The following AOPEP variants were observed in gnomAD, a reference collection of about 807,000 sequenced individuals.
The protein encoded by AOPEP is aminopeptidase O.
In AOPEP, 77 loss-of-function variants were observed where a neutral mutation model predicts 98.1. That is an observed-to-expected ratio of 0.78 (90% CI 0.65 to 0.95). AOPEP has a LOEUF of 0.95. Among genes scored for constraint, AOPEP ranks in the 40% least tolerant of loss-of-function variants. The probability of loss-of-function intolerance (pLI) is 0.00; values close to 1 mark genes in which losing one functional copy is unlikely to be tolerated. For missense variants in AOPEP, 1,024 were observed against 1,024.7 expected (o/e 1.00, Z 0.01); for synonymous variants, 346 against 365.3 (o/e 0.95, Z 0.60).
At chr9:95,072,331 C>T (rs548179978) in intron 14 of AOPEP, among the ~76,000 whole-genome samples, 38 of 152,222 alleles carry the variant, frequency 2.5e-4, no homozygotes, top group Non-Finnish European at 5.1e-4. Context: ...TGGAGTTTAC[C>T]AGGAATCTGG....
At chr9:95,096,238 A>C in the AOPEP span, among the ~76,000 whole-genome samples, 1 of 152,180 alleles carries the variant, frequency 6.6e-6, no homozygotes, top group Admixed American at 6.5e-5. Flanking sequence ...GTACATGTAC[A>C]CGTGATTTAC....
intron 1 of AOPEP, among the ~76,000 whole-genome samples, chr9:94,743,863 C>T (rs1375592241): frequency 6.6e-6 from 1 of 152,158 alleles, no homozygotes; most frequent in Non-Finnish European, 1.5e-5. Context: ...AGCTGGCATA[C>T]CTGGGAGTTA....
chr9:94,891,244 C>T (rs1022042746), intron 5 of AOPEP, among the ~76,000 whole-genome samples: 3 of 152,180 alleles, frequency 2.0e-5, no homozygotes, highest in African/African-American at 4.8e-5. Context: ...TATAGCCACT[C>T]CTGCTTTTTT....
chr9:95,078,368 C>T (rs1044611017), intron 14 of AOPEP, among the ~76,000 whole-genome samples: 3 of 152,122 alleles, frequency 2.0e-5, no homozygotes, highest in Non-Finnish European at 4.4e-5. Context: ...AAAGGAGAGG[C>T]GAAACCCTCC....
intron 11 of AOPEP, among the ~76,000 whole-genome samples, chr9:94,994,839 T>C (rs1368756769): frequency 2.6e-5 from 4 of 152,132 alleles, no homozygotes; most frequent in Non-Finnish European, 4.4e-5. Flanking sequence ...TAATCCCAGC[T>C]ACTCGGGAGG....
At chr9:94,977,888 T>C (rs2059947680) in intron 10 of AOPEP, among the ~76,000 whole-genome samples, 1 of 151,906 alleles carries the variant, frequency 6.6e-6, no homozygotes. Context: ...GCCCTTTTTC[T>C]GCATAAGCCC....
intron 13 of AOPEP, among the ~76,000 whole-genome samples, chr9:95,017,483 A>T (rs780275191): frequency 2.6e-5 from 4 of 152,228 alleles, no homozygotes; most frequent in Non-Finnish European, 5.9e-5. Context: ...TTCTTATGGG[A>T]CCACCGTTGT....
intron 5 of AOPEP, among the ~76,000 whole-genome samples, chr9:94,851,136 A>G (rs1443061934): frequency 6.6e-6 from 1 of 152,186 alleles, no homozygotes; most frequent in Non-Finnish European, 1.5e-5. Context: ...GTGAGAGGAA[A>G]AGACCCATCG....
intron 9 of AOPEP, among the ~76,000 whole-genome samples, chr9:94,966,705 C>G (rs1475258965): frequency 6.6e-6 from 1 of 152,054 alleles, no homozygotes; most frequent in African/African-American, 2.4e-5. Flanking sequence ...AAATACAGAA[C>G]AGAAAAATCA....
intron 1 of AOPEP, among the ~76,000 whole-genome samples, chr9:94,752,359 T>TCACACA (rs58626205): frequency 3.6e-5 from 5 of 140,816 alleles, no homozygotes; most frequent in African/African-American, 8.6e-5. Flanking sequence ...TCTCTCTCTC[T>TCACACA]CACACACACA....
chr9:94,792,763 A>G lies in AOPEP; in HGVS notation c.965-2A>G. The G allele has an allele frequency of 1.3e-6, 2 of 1,596,062 alleles. No individual in the cohort carries two copies. Among genetic ancestry groups the G allele is most frequent in the African/African-American group, 1.3e-5 (1 of 74,310 alleles). On this transcript the variant is annotated splice_acceptor_variant, in intron 3 of 16. Transcript: ENST00000375315. LOFTEE classifies it high-confidence loss of function. The stretch of plus-strand genomic sequence containing the variant: ...TTATGGTTTTTCTCTTCCTGTTTAC[A>G]GAGTGCTCAAGCTGGTATTACTATG...
intron 5 of AOPEP, among the ~76,000 whole-genome samples, chr9:94,839,672 C>T (rs1296926901): frequency 6.6e-6 from 1 of 152,088 alleles, no homozygotes; most frequent in Non-Finnish European, 1.5e-5. Context: ...TTGTTTCTTT[C>T]TAATCTATAT....
chr9:94,963,830 G>C (rs556211548), intron 9 of AOPEP, among the ~76,000 whole-genome samples: 2 of 152,152 alleles, frequency 1.3e-5, no homozygotes, highest in Non-Finnish European at 2.9e-5. Context: ...GAAAAGAGGT[G>C]GTGCAGGAAG....
the AOPEP span, chr9:95,126,477 G>A: frequency 9.7e-6 from 15 of 1,542,060 alleles, no homozygotes; most frequent in Non-Finnish European, 1.3e-5. Context: ...TTCATGCTTG[G>A]AAATGGAACC....
downstream of AOPEP, among the ~76,000 whole-genome samples, chr9:95,091,984 A>G (rs1284580549): frequency 2.6e-5 from 4 of 152,126 alleles, no homozygotes; most frequent in Non-Finnish European, 4.4e-5. Flanking sequence ...AGAAGAGAAG[A>G]AAGGCTGAGA....
chr9:94,912,568 C>A (rs888983216), intron 5 of AOPEP, among the ~76,000 whole-genome samples: 2 of 152,146 alleles, frequency 1.3e-5, no homozygotes, highest in African/African-American at 2.4e-5. Flanking sequence ...CATGGCTGAC[C>A]GTGTGAGACC....
chr9:94,754,088 C>A (rs1036117323), intron 1 of AOPEP, among the ~76,000 whole-genome samples: 4 of 152,126 alleles, frequency 2.6e-5, no homozygotes, highest in Non-Finnish European at 4.4e-5. Context: ...ATTTCAAAAC[C>A]ATTGAGTGAA....
chr9:95,069,526 A>G (rs972244217), intron 14 of AOPEP, among the ~76,000 whole-genome samples: 4 of 149,740 alleles, frequency 2.7e-5, no homozygotes, highest in Non-Finnish European at 5.9e-5. Flanking sequence ...TGAACCCCAC[A>G]TGGGCTCCCA....
chr9:94,994,415 T>C (rs2061091935), intron 11 of AOPEP, among the ~76,000 whole-genome samples: 1 of 152,200 alleles, frequency 6.6e-6, no homozygotes, highest in African/African-American at 2.4e-5. Flanking sequence ...CAGAAAAGGC[T>C]ATATACTAAG....
Sources: gnomAD v4.1 joint callset for allele counts (sites outside exome capture counted in the v4.1 genomes callset) on GRCh38, gnomAD v4.1.1 for gene constraint, MANE v1.5 for transcripts, NCBI Gene and HGNC (gene_info 2026-07-23, HGNC 2026-07-21) for gene names.